Variants in TAFA2 observed in about 807,000 individuals in gnomAD.
TAFA2 encodes the protein chemokine-like protein TAFA-2.
Under a neutral mutation model 18.8 loss-of-function variants are expected in TAFA2, and 7 were observed. The ratio of observed to expected loss-of-function variants is 0.37; its 90% CI spans 0.21 to 0.70. TAFA2 has a LOEUF of 0.70. TAFA2 is among the 30% of genes least tolerant of loss of function. The pLI, the probability that TAFA2 is intolerant of heterozygous loss-of-function variation, is 0.53. For missense variants in TAFA2, 122 were observed against 158.1 expected (o/e 0.77, Z 1.23); for synonymous variants, 60 against 54.2 (o/e 1.11, Z -0.47).
chr12:61,785,840 A>T (rs1870716013), intron 2 of TAFA2, among the ~76,000 whole-genome samples: 1 of 151,606 alleles, frequency 6.6e-6, no homozygotes, highest in South Asian at 2.1e-4. Context: ...GTGATTCATG[A>T]CTGTAATTAC....
At chr12:62,176,994 A>G (rs1225501730) in intron 1 of TAFA2, among the ~76,000 whole-genome samples, 1 of 152,238 alleles carries the variant, frequency 6.6e-6, no homozygotes, top group Admixed American at 6.5e-5. Context: ...AATAGGAAGG[A>G]CACTAGTCCC....
intron 2 of TAFA2, among the ~76,000 whole-genome samples, chr12:61,861,042 C>T (rs991825229): frequency 4.6e-5 from 7 of 151,710 alleles, no homozygotes; most frequent in Non-Finnish European, 5.9e-5. Flanking sequence ...CCTCTGCCTC[C>T]TGGGTTCAAG....
chr12:61,794,652 T>G (rs968565781), intron 2 of TAFA2, among the ~76,000 whole-genome samples: 2 of 151,960 alleles, frequency 1.3e-5, no homozygotes, highest in Non-Finnish European at 2.9e-5. Flanking sequence ...GCAGCAATGT[T>G]GTAGAATATT....
chr12:62,216,668 G>A lies in TAFA2; in HGVS notation c.-130+42095C>T, dbSNP rs144659926. 3.2e-3 allele frequency among the ~76,000 whole-genome samples: 482 copies of A among 152,262 alleles called. 5 individuals are homozygous for A. The highest frequency in any genetic ancestry group is 0.011 in the African/African-American group (460 of 41,550). On this transcript the variant is annotated intron_variant, in intron 1 of 5. Transcript: ENST00000551619. ...GTATACTATTGTTGATCTGAAAAAC[G>A]CTTTATTTTCCAATCTTATTGGAAA...
intron 2 of TAFA2, among the ~76,000 whole-genome samples, chr12:61,809,222 T>C (rs1871757254): frequency 6.6e-6 from 1 of 151,536 alleles, no homozygotes; most frequent in South Asian, 2.1e-4. Flanking sequence ...TAATACTCAC[T>C]GATTAGCTAA....
intron 1 of TAFA2, among the ~76,000 whole-genome samples, chr12:61,986,203 C>T (rs956633517): frequency 7.8e-6 from 1 of 128,902 alleles, no homozygotes; most frequent in Non-Finnish European, 1.6e-5. Flanking sequence ...CTCACTCACT[C>T]GCCCAGGCTG....
chr12:62,031,074 T>C (rs1881444976), intron 1 of TAFA2, among the ~76,000 whole-genome samples: 2 of 152,126 alleles, frequency 1.3e-5, no homozygotes, highest in South Asian at 4.1e-4. Context: ...TAAAGCTCCA[T>C]GGTAAAGGAG....
In TAFA2 at chr12:61,879,561, C is replaced by A. The variant is rs7308102; in HGVS notation, c.-1-12135G>T. On this transcript the variant is annotated intron_variant, in intron 1 of 4. Transcript: ENST00000416284. ...TGAGGCCCCTTAACCTGGAGGTGGA[C>A]CCCAACATCCAGGCCAGGTTCTGCA... is the stretch of plus-strand genomic sequence containing the variant. 0.017 allele frequency: 12,578 copies of A among 737,410 alleles called. 1,009 individuals are homozygous for A. The African/African-American group carries it at 0.18, about 11-fold the overall frequency. 45.7% of individuals were successfully genotyped at this position (737,410 alleles called of 1,614,324 possible).
At chr12:62,190,696 T>C (rs2062617146) in intron 1 of TAFA2, among the ~76,000 whole-genome samples, 1 of 152,182 alleles carries the variant, frequency 6.6e-6, no homozygotes, top group African/African-American at 2.4e-5. Flanking sequence ...CTTGATTCTT[T>C]ATGAAGATAG....
At chr12:62,054,603 T>C (rs1452418814) in intron 1 of TAFA2, among the ~76,000 whole-genome samples, 1 of 152,232 alleles carries the variant, frequency 6.6e-6, no homozygotes, top group African/African-American at 2.4e-5. Context: ...TAGAACCTCA[T>C]AAACTTTGAA....
intron 1 of TAFA2, among the ~76,000 whole-genome samples, chr12:62,256,784 T>C (rs2062941239): frequency 6.6e-6 from 1 of 152,220 alleles, no homozygotes; most frequent in South Asian, 2.1e-4. Context: ...TTTATTCATA[T>C]CCCAAGTTTC....
At chr12:62,100,643 A>G (rs1869154458) in intron 1 of TAFA2, among the ~76,000 whole-genome samples, 1 of 152,172 alleles carries the variant, frequency 6.6e-6, no homozygotes, top group African/African-American at 2.4e-5. Flanking sequence ...ACCTTTCTAT[A>G]ACAATGAAGA....
chr12:61,729,277 T>C (rs1175606788), intron 4 of TAFA2, among the ~76,000 whole-genome samples: 1 of 152,052 alleles, frequency 6.6e-6, no homozygotes, highest in East Asian at 1.9e-4. Context: ...TCTAGATCTC[T>C]AGCAAGACCA....
At chr12:61,937,296 G>GA (rs968703598) in intron 1 of TAFA2, among the ~76,000 whole-genome samples, 3 of 151,896 alleles carry the variant, frequency 2.0e-5, no homozygotes, top group Non-Finnish European at 4.4e-5. Context: ...CACAAAATTA[G>GA]AAAAAAACAT....
Position 61,885,421 on chromosome 12 carries a change from A to G in TAFA2, c.-1-17995T>C, listed in dbSNP as rs142981053. 1.7e-3 allele frequency among the ~76,000 whole-genome samples: 264 copies of G among 152,326 alleles called. 1 individual carries two copies. Among genetic ancestry groups the G allele is most frequent in the African/African-American group, 5.8e-3 (240 of 41,576 alleles). ...TATCTAACATAGTCCCACACTTTCC[A>G]TACTGAGAATTGTATAAAAATAATC... On this transcript the variant is annotated intron_variant, in intron 1 of 4. Coordinates refer to ENST00000416284, the MANE Select transcript of TAFA2 (RefSeq NM_178539.5).
chr12:62,120,837 T>C (rs1870159742), intron 1 of TAFA2, among the ~76,000 whole-genome samples: 1 of 150,588 alleles, frequency 6.6e-6, no homozygotes, highest in African/African-American at 2.4e-5. Flanking sequence ...TTTATTATTA[T>C]TATTATTATT....
At chr12:62,160,289 C>T (rs924465171) in intron 1 of TAFA2, among the ~76,000 whole-genome samples, 1 of 152,196 alleles carries the variant, frequency 6.6e-6, no homozygotes, top group Admixed American at 6.5e-5. Context: ...TATGAGTATG[C>T]ATTGAGGCAG....
intron 1 of TAFA2, among the ~76,000 whole-genome samples, chr12:62,114,133 G>A (rs568457047): frequency 2.1e-4 from 32 of 152,280 alleles, no homozygotes; most frequent in Non-Finnish European, 4.6e-4. Context: ...GGTACCCAAG[G>A]GAATCTCCTG....
At chr12:62,088,442 C>A (rs961750520) in intron 1 of TAFA2, among the ~76,000 whole-genome samples, 1 of 151,866 alleles carries the variant, frequency 6.6e-6, no homozygotes, top group Non-Finnish European at 1.5e-5. Context: ...AGGCTGTCCC[C>A]GGTCCTTCTG....
Sources: gnomAD v4.1 joint callset for allele counts (sites outside exome capture counted in the v4.1 genomes callset) on GRCh38, gnomAD v4.1.1 for gene constraint, MANE v1.5 for transcripts, NCBI Gene and HGNC (gene_info 2026-07-23, HGNC 2026-07-21) for gene names.